MYO6: variants seen among roughly 807,000 people sequenced by gnomAD.
The protein encoded by MYO6 is unconventional myosin-VI.
A neutral mutation model predicts 178.7 loss-of-function variants in MYO6; 74 were observed. The ratio of observed to expected loss-of-function variants is 0.41; its 90% CI spans 0.34 to 0.50. MYO6 has a LOEUF of 0.50. Ranked by LOEUF, MYO6 falls within the 20% of genes least tolerant of loss-of-function variation. The pLI, the probability that MYO6 is intolerant of heterozygous loss-of-function variation, is 0.09. For synonymous variants in MYO6, 477 were observed against 504.6 expected (o/e 0.95, Z 0.73); for missense variants, 1,330 against 1,547.4 (o/e 0.86, Z 2.36).
intron 5 of MYO6, among the ~76,000 whole-genome samples, chr6:75,831,844 C>T (rs188698234): frequency 5.3e-5 from 8 of 149,738 alleles, no homozygotes; most frequent in African/African-American, 4.9e-5. Context: ...GAGGTGAAGT[C>T]ATGCCACTAT....
chr6:75,857,331 C>G (rs1775807351), intron 13 of MYO6, 77 bp downstream of exon 13: 3 of 1,434,324 alleles, frequency 2.1e-6, no homozygotes. Flanking sequence ...TAAATCTTTT[C>G]TCCTTTGTAA....
In MYO6 at chr6:75,861,183, T is replaced by G. The variant is rs570175906; in HGVS notation, c.1546+88T>G. ...TTTTTCTGTGCTTTTTAATTGACATTACTTGTTATATGACTTGAAACTGGT... is the reference window on the plus strand; with the variant it reads ...TTTTTCTGTGCTTTTTAATTGACATGACTTGTTATATGACTTGAAACTGGT... On this transcript the variant is annotated intron_variant, in intron 15 of 34. Coordinates refer to ENST00000369977, the MANE Select transcript of MYO6 (RefSeq NM_004999.4). 4.0e-5 allele frequency: 41 copies of G among 1,032,792 alleles called. No individual in the cohort carries two copies. The Middle Eastern group carries it at 6.1e-4, about 15-fold the overall frequency. The allele number at this position is 1,032,792 out of a possible 1,614,324, so 64.0% of individuals were successfully genotyped here.
rs72654763 is a variant in MYO6 at position 75,787,405 on chromosome 6, A to G, written c.-47-30096A>G. Among the ~76,000 whole-genome samples the G allele has an allele frequency of 0.013, 1,914 of 151,944 alleles. 66 individuals carry two copies. The East Asian group carries it at 0.13, about 11-fold the overall frequency. ...ATGCAGTGAAAAACTACTCAGCAGTAAATAGAACCCAACTACTGACAGCCA... is the reference window on the plus strand; with the variant it reads ...ATGCAGTGAAAAACTACTCAGCAGTGAATAGAACCCAACTACTGACAGCCA... On this transcript the variant is annotated intron_variant, in intron 1 of 34. Transcript: ENST00000369977.
At chr6:75,770,127 T>A (rs917282749) in intron 1 of MYO6, among the ~76,000 whole-genome samples, 4 of 152,336 alleles carry the variant, frequency 2.6e-5, no homozygotes, top group African/African-American at 9.6e-5. Context: ...TTCGTCTTCT[T>A]GCTTCTGCTC....
chr6:75,914,777 G>T (rs774569061), intron 34 of MYO6, 36 bp from the exon 35 acceptor site: 1 of 1,597,246 alleles, frequency 6.3e-7, no homozygotes, highest in South Asian at 1.1e-5. Context: ...GTCCTGAAGA[G>T]AGAGATGGTA....
chr6:75,785,557 C>T (rs539131757), intron 1 of MYO6, among the ~76,000 whole-genome samples: 23 of 150,204 alleles, frequency 1.5e-4, no homozygotes, highest in East Asian at 3.9e-4. Context: ...ACTGCAGCCT[C>T]GAAATCCTGG....
chr6:75,874,549 C>G (rs1253685281), intron 20 of MYO6, among the ~76,000 whole-genome samples: 1 of 152,216 alleles, frequency 6.6e-6, no homozygotes, highest in Admixed American at 6.5e-5. Flanking sequence ...ACTTAACCTT[C>G]CCTCTTGTTG....
intron 25 of MYO6, among the ~76,000 whole-genome samples, chr6:75,889,205 T>C (rs1391119489): frequency 6.6e-6 from 1 of 152,144 alleles, no homozygotes; most frequent in Non-Finnish European, 1.5e-5. Context: ...ACTCAGCTGA[T>C]TTTATAAATC....
chr6:75,823,088 G>A (rs1360280581), intron 3 of MYO6, among the ~76,000 whole-genome samples: 1 of 152,106 alleles, frequency 6.6e-6, no homozygotes, highest in Non-Finnish European at 1.5e-5. Flanking sequence ...TAAATGTGGG[G>A]AATGGTAATT....
intron 13 of MYO6, 79 bp from the exon 14 acceptor site, chr6:75,858,823 A>G: frequency 1.2e-6 from 1 of 822,458 alleles, no homozygotes; most frequent in Non-Finnish European, 2.0e-6. Flanking sequence ...AGCCATTATT[A>G]CAATTACATT....
At chr6:75,843,620 A>T (rs1774450616) in intron 9 of MYO6, among the ~76,000 whole-genome samples, 1 of 152,192 alleles carries the variant, frequency 6.6e-6, no homozygotes, top group African/African-American at 2.4e-5. Flanking sequence ...AGCAAAGAAC[A>T]TATTTATTTT....
At chr6:75,766,594 G>A (rs914878417) in intron 1 of MYO6, among the ~76,000 whole-genome samples, 2 of 152,162 alleles carry the variant, frequency 1.3e-5, no homozygotes, top group Admixed American at 1.3e-4. Context: ...AATCATGAAT[G>A]CAGCAGCTGT....
chr6:75,911,608 A>G, intron 32 of MYO6, 64 bp from the exon 33 acceptor site: 4 of 1,425,908 alleles, frequency 2.8e-6, no homozygotes, highest in Non-Finnish European at 4.0e-6. Context: ...ATAAATTAGA[A>G]AAATGCTCAT....
At chr6:75,797,134 G>C (rs930439988) in intron 1 of MYO6, among the ~76,000 whole-genome samples, 1 of 152,116 alleles carries the variant, frequency 6.6e-6, no homozygotes, top group Non-Finnish European at 1.5e-5. Flanking sequence ...CTGTCACCCA[G>C]GCTGGAGAGC....
intron 1 of MYO6, among the ~76,000 whole-genome samples, chr6:75,804,207 T>C (rs983318127): frequency 1.3e-5 from 2 of 152,230 alleles, no homozygotes; most frequent in South Asian, 2.1e-4. Context: ...TTGAGAATGA[T>C]TCAATTCCTG....
At chr6:75,852,976 G>A (rs1775409396) in intron 11 of MYO6, among the ~76,000 whole-genome samples, 1 of 152,162 alleles carries the variant, frequency 6.6e-6, no homozygotes, top group Non-Finnish European at 1.5e-5. Context: ...AAGCGTATGA[G>A]GGTTTCAGTT....
Position 75,848,485 on chromosome 6 carries a change from C to T in MYO6, c.1032C>T (p.Val344=). 6.2e-7 allele frequency: 1 copy of T among 1,613,730 alleles called. No homozygotes were observed. The highest frequency in any genetic ancestry group is 1.1e-5 in the South Asian group (1 of 91,014). The change falls in exon 11 of 35, where the codon GTC becomes GTT. Residue 344 remains valine, a synonymous_variant. Transcript: ENST00000369977. ...KLDLFRVVAG[V]LHLGNIDFEE... is the part of the protein sequence containing the mutation. The stretch of plus-strand genomic sequence containing the variant: ...ATCTCTTCCGGGTAGTAGCTGGCGT[C>T]CTGCACCTTGGAAATATTGATTTTG...
intron 1 of MYO6, among the ~76,000 whole-genome samples, chr6:75,784,218 G>A (rs933632675): frequency 6.6e-6 from 1 of 151,874 alleles, no homozygotes; most frequent in South Asian, 2.1e-4. Context: ...TGATCCGCCC[G>A]ACTTGGGCTC....
chr6:75,867,193 A>G, intron 18 of MYO6, 88 bp downstream of exon 18: 2 of 1,131,036 alleles, frequency 1.8e-6, no homozygotes, highest in African/African-American at 1.6e-5. Context: ...GATCACTGTC[A>G]GAAATCTCAC....
Sources: gnomAD v4.1 joint callset for allele counts (sites outside exome capture counted in the v4.1 genomes callset) on GRCh38, gnomAD v4.1.1 for gene constraint, MANE v1.5 for transcripts, NCBI Gene and HGNC (gene_info 2026-07-23, HGNC 2026-07-21) for gene names.